The following SPATA6 variants were observed in gnomAD, a reference collection of about 807,000 sequenced individuals.
The protein encoded by SPATA6 is spermatogenesis-associated protein 6.
Under a neutral mutation model 65.3 loss-of-function variants are expected in SPATA6, and 56 were observed. That is an observed-to-expected ratio of 0.86 (90% CI 0.69 to 1.07). SPATA6 has a LOEUF of 1.07. Ranked by LOEUF, SPATA6 falls within the 50% of genes least tolerant of loss-of-function variation. SPATA6 has a pLI of 0.00. For synonymous variants in SPATA6, 199 were observed against 213.2 expected (o/e 0.93, Z 0.58); for missense variants, 590 against 594.8 (o/e 0.99, Z 0.08).
At chr1:48,362,692 G>A (rs1319098895) in intron 9 of SPATA6, among the ~76,000 whole-genome samples, 1 of 151,706 alleles carries the variant, frequency 6.6e-6, no homozygotes, top group African/African-American at 2.4e-5. Context: ...ACTTCTAATG[G>A]TCTTAATGGT....
chr1:48,457,672 T>G (rs1657114326), intron 1 of SPATA6, among the ~76,000 whole-genome samples: 1 of 151,946 alleles, frequency 6.6e-6, no homozygotes, highest in African/African-American at 2.4e-5. Context: ...AAAAAGGAAG[T>G]AAAACTAAGT....
chr1:48,359,663 C>G lies in SPATA6; in HGVS notation c.1017G>C (p.Leu339Phe). The change falls in exon 10 of 13, where the codon TTG (leucine) becomes TTC (phenylalanine). Residue 339 changes from leucine (L) to phenylalanine (F), a missense_variant. Coordinates refer to ENST00000371847, the MANE Select transcript of SPATA6 (RefSeq NM_019073.4). ...CSKPRHSART[L>F]LVHSAPSTMP... The stretch of plus-strand genomic sequence containing the variant: ...TTGTTGAGGGTGCTGAATGGACTAG[C>G]AAGGTCCTCGCTGAATGCCGGGGCT... 1.9e-6 allele frequency: 3 copies of G among 1,613,760 alleles called. No individual in the cohort carries two copies. Among genetic ancestry groups the G allele is most frequent in the Non-Finnish European group, 2.5e-6 (3 of 1,179,824 alleles).
chr1:48,319,826 C>T (rs1046588587), intron 11 of SPATA6, among the ~76,000 whole-genome samples: 10 of 152,152 alleles, frequency 6.6e-5, no homozygotes, highest in Admixed American at 1.3e-4. Flanking sequence ...CTGAGCATCC[C>T]GGTGACAACT....
chr1:48,389,960 G>T (rs2147886459), intron 8 of SPATA6, among the ~76,000 whole-genome samples: 1 of 152,068 alleles, frequency 6.6e-6, no homozygotes, highest in South Asian at 2.1e-4. Context: ...AAGGACCAAA[G>T]AATATAGAAA....
At chr1:48,315,794 T>G (rs903205259) in intron 11 of SPATA6, among the ~76,000 whole-genome samples, 1 of 152,126 alleles carries the variant, frequency 6.6e-6, no homozygotes, top group Non-Finnish European at 1.5e-5. Flanking sequence ...GAAAACCCCA[T>G]CATCTCAGCC....
At chr1:48,274,866 T>C in the SPATA6 span, among the ~76,000 whole-genome samples, 1 of 152,240 alleles carries the variant, frequency 6.6e-6, no homozygotes, top group Non-Finnish European at 1.5e-5. Flanking sequence ...TTTTTTCTAA[T>C]TCTGTGAAGA....
chr1:48,447,381 T>C (rs1325611124), intron 3 of SPATA6, among the ~76,000 whole-genome samples: 1 of 152,102 alleles, frequency 6.6e-6, no homozygotes, highest in Non-Finnish European at 1.5e-5. Context: ...TAGCCGGGCA[T>C]GGTGTCACGC....
chr1:48,455,638 C>A (rs1389042218), intron 1 of SPATA6, among the ~76,000 whole-genome samples: 1 of 152,132 alleles, frequency 6.6e-6, no homozygotes, highest in East Asian at 1.9e-4. Flanking sequence ...TGTCGGCCTC[C>A]CAAAGTGCTG....
intron 3 of SPATA6, among the ~76,000 whole-genome samples, chr1:48,446,753 TCAGTAAAA>T (rs1159937575): frequency 6.6e-6 from 1 of 152,114 alleles, no homozygotes; most frequent in Non-Finnish European, 1.5e-5. Flanking sequence ...CTCTTAGTAA[TCAGTAAAA>T]CAACCAACCC....
intron 3 of SPATA6, among the ~76,000 whole-genome samples, chr1:48,414,126 A>C (rs1447000131): frequency 6.6e-6 from 1 of 152,092 alleles, no homozygotes; most frequent in Admixed American, 6.5e-5. Context: ...GCCTGAACTG[A>C]TGAATTGCTG....
chr1:48,287,125 C>T, the SPATA6 span, among the ~76,000 whole-genome samples: 1 of 151,812 alleles, frequency 6.6e-6, no homozygotes, highest in Non-Finnish European at 1.5e-5. Context: ...CTGGGGAGGC[C>T]TCAGGAAGCT....
chr1:48,315,540 C>G (rs1016463435), intron 11 of SPATA6, among the ~76,000 whole-genome samples: 9 of 152,096 alleles, frequency 5.9e-5, no homozygotes, highest in Admixed American at 5.2e-4. Flanking sequence ...GGATGTATCT[C>G]AAAATAATAA....
chr1:48,285,372 G>A, the SPATA6 span, among the ~76,000 whole-genome samples: 5 of 151,908 alleles, frequency 3.3e-5, no homozygotes, highest in East Asian at 5.8e-4. Context: ...GGCTATGTTG[G>A]GGTGGGATCT....
chr1:48,321,882 G>A (rs1057126665), intron 11 of SPATA6, among the ~76,000 whole-genome samples: 2 of 152,042 alleles, frequency 1.3e-5, no homozygotes, highest in Admixed American at 6.6e-5. Context: ...CCAACAGATG[G>A]AAATTAAACA....
At chr1:48,381,601 T>G (rs1463434845) in intron 9 of SPATA6, among the ~76,000 whole-genome samples, 1 of 150,142 alleles carries the variant, frequency 6.7e-6, no homozygotes, top group African/African-American at 2.4e-5. Flanking sequence ...ATAAATAGTT[T>G]AAGTAAGTAC....
chr1:48,396,801 A>G (rs1468488665), intron 7 of SPATA6, among the ~76,000 whole-genome samples: 3 of 151,578 alleles, frequency 2.0e-5, no homozygotes, highest in Non-Finnish European at 4.4e-5. Context: ...ATGGGCACAG[A>G]GTTTCAGTTT....
At chr1:48,369,567 G>A (rs1461623157) in intron 9 of SPATA6, among the ~76,000 whole-genome samples, 1 of 152,208 alleles carries the variant, frequency 6.6e-6, no homozygotes, top group East Asian at 1.9e-4. Flanking sequence ...CGTGGGCGTA[G>A]GACCCTCCGA....
chr1:48,464,692 T>C (rs116301460), intron 1 of SPATA6, among the ~76,000 whole-genome samples: 182 of 152,300 alleles, frequency 1.2e-3, no homozygotes, highest in Non-Finnish European at 1.6e-3. Context: ...TAGATAGATA[T>C]AGCTAGATTT....
At chr1:48,457,492 G>A (rs1657100518) in intron 1 of SPATA6, among the ~76,000 whole-genome samples, 1 of 152,154 alleles carries the variant, frequency 6.6e-6, no homozygotes, top group African/African-American at 2.4e-5. Context: ...AGAGAATCTT[G>A]AAAACAGCAA....
Sources: allele counts gnomAD v4.1 joint callset (sites outside exome capture counted in the v4.1 genomes callset), GRCh38; gene constraint gnomAD v4.1.1; transcripts MANE v1.5; gene names NCBI Gene and HGNC (gene_info 2026-07-23, HGNC 2026-07-21).